RBKS: variants seen among roughly 807,000 people sequenced by gnomAD.
The protein encoded by RBKS is ribokinase.
RBKS carries 33 observed loss-of-function variants against 33.9 expected under a neutral mutation model. That is an observed-to-expected ratio of 0.97 (90% confidence interval 0.74 to 1.30). The LOEUF is 1.30. Ranked by LOEUF, RBKS falls within the 50% of genes most tolerant of loss-of-function variation. The probability of loss-of-function intolerance (pLI) is 0.00; values close to 1 mark genes in which losing one functional copy is unlikely to be tolerated. For missense variants in RBKS, 361 were observed against 392.6 expected (o/e 0.92, Z 0.68); for synonymous variants, 125 against 143.0 (o/e 0.87, Z 0.90).
intron 2 of RBKS, among the ~76,000 whole-genome samples, chr2:27,856,394 C>T (rs1663856400): frequency 6.6e-6 from 1 of 152,160 alleles, no homozygotes; most frequent in South Asian, 2.1e-4. Context: ...AATCAACCTC[C>T]TAACTGGAAC....
intron 2 of RBKS, among the ~76,000 whole-genome samples, chr2:27,853,028 G>C (rs1216384933): frequency 6.6e-6 from 1 of 152,060 alleles, no homozygotes; most frequent in Admixed American, 6.5e-5. Flanking sequence ...AGTTATTAAA[G>C]CTTGCTGGTT....
At chr2:27,848,755 T>C (rs1220025638) in intron 2 of RBKS, among the ~76,000 whole-genome samples, 1 of 151,748 alleles carries the variant, frequency 6.6e-6, no homozygotes, top group Non-Finnish European at 1.5e-5. Context: ...AGCAGGAGAA[T>C]TGCTTGAACC....
At chr2:27,861,344 T>C in intron 1 of RBKS, 1 of 402,948 alleles carries the variant, frequency 2.5e-6, no homozygotes, top group Non-Finnish European at 5.2e-6. Flanking sequence ...AGGTGTTGAT[T>C]AGGGAAGCAG....
intron 1 of RBKS, among the ~76,000 whole-genome samples, chr2:27,883,187 T>C (rs1486860614): frequency 6.6e-6 from 1 of 151,230 alleles, no homozygotes; most frequent in East Asian, 1.9e-4. Context: ...CATGTTTTCC[T>C]AACTGCAGTA....
intron 1 of RBKS, among the ~76,000 whole-genome samples, chr2:27,880,884 A>G (rs562263082): frequency 7.9e-5 from 12 of 152,278 alleles, no homozygotes; most frequent in African/African-American, 2.9e-4. Context: ...TTAAGCTACC[A>G]TGACATTCAT....
intron 7 of RBKS, among the ~76,000 whole-genome samples, chr2:27,798,740 C>T (rs1677711702): frequency 6.6e-6 from 1 of 152,186 alleles, no homozygotes; most frequent in African/African-American, 2.4e-5. Flanking sequence ...CTTACTTCCT[C>T]CTATTCACTT....
At chr2:27,820,525 A>T in intron 7 of RBKS, among the ~76,000 whole-genome samples, 1 of 151,576 alleles carries the variant, frequency 6.6e-6, no homozygotes, top group Non-Finnish European at 1.5e-5. Context: ...TTTGTAGGAT[A>T]GACTCTTAGA....
chr2:27,884,884 TATTAAAA>T (rs748523646), intron 1 of RBKS, among the ~76,000 whole-genome samples: 71 of 152,332 alleles, frequency 4.7e-4, no homozygotes, highest in Admixed American at 1.6e-3. Flanking sequence ...AAGTCAATTT[TATTAAAA>T]ATTTATCCTT....
chr2:27,834,032 C>T (rs1678471086), intron 5 of RBKS, among the ~76,000 whole-genome samples: 1 of 152,196 alleles, frequency 6.6e-6, no homozygotes, highest in Non-Finnish European at 1.5e-5. Context: ...TAGGACTGAC[C>T]TCAAACCCAC....
At chr2:27,853,649 T>G (rs1201149585) in intron 2 of RBKS, among the ~76,000 whole-genome samples, 1 of 152,010 alleles carries the variant, frequency 6.6e-6, no homozygotes. Flanking sequence ...CAGAGTGAGA[T>G]CCTGTCTCAG....
At chr2:27,863,350 T>C (rs1025880543) in intron 1 of RBKS, among the ~76,000 whole-genome samples, 4 of 152,232 alleles carry the variant, frequency 2.6e-5, no homozygotes, top group Admixed American at 6.5e-5. Context: ...CACTTACTGA[T>C]TGTATTACTT....
At chr2:27,805,523 G>T (rs1252374425) in intron 7 of RBKS, among the ~76,000 whole-genome samples, 1 of 152,154 alleles carries the variant, frequency 6.6e-6, no homozygotes, top group Non-Finnish European at 1.5e-5. Flanking sequence ...GCTTTCCCGG[G>T]TCCTTGTAGG....
At chr2:27,860,143 G>A (rs1663944523) in intron 1 of RBKS, among the ~76,000 whole-genome samples, 2 of 151,492 alleles carry the variant, frequency 1.3e-5, no homozygotes, top group Non-Finnish European at 2.9e-5. Context: ...TAGTACTGAT[G>A]AAAAAAAATA....
intron 3 of RBKS, among the ~76,000 whole-genome samples, chr2:27,847,686 C>T (rs775642326): frequency 7.2e-5 from 11 of 152,234 alleles, no homozygotes; most frequent in Non-Finnish European, 1.5e-4. Context: ...CTTCGGTTTT[C>T]TCTTCTGTGA....
rs774563771 is a variant in RBKS at position 27,827,657 on chromosome 2, G to A, written c.705C>T (p.Thr235=). The change falls in exon 7 of 8, where the codon ACC becomes ACT. Residue 235 remains threonine (T), a synonymous_variant. Coordinates refer to ENST00000302188, the MANE Select transcript of RBKS (RefSeq NM_022128.3). ...LKRGCQVVII[T]LGAEGCVVLS... The stretch of plus-strand genomic sequence containing the variant: ...GCACCACACATCCTTCAGCCCCTAA[G>A]GTAATGATTACCACCTGGCAGCCCC... 52 of 1,613,650 alleles carry A rather than the reference G, an allele frequency of 3.2e-5. No individual in the cohort carries two copies. The highest frequency in any genetic ancestry group is 4.3e-5 in the Non-Finnish European group (51 of 1,179,928).
chr2:27,846,838 C>T (rs1029991668), intron 4 of RBKS, among the ~76,000 whole-genome samples: 3 of 151,886 alleles, frequency 2.0e-5, no homozygotes, highest in Admixed American at 2.0e-4. Context: ...GAAAATTGTC[C>T]AAAAATTTAT....
intron 7 of RBKS, among the ~76,000 whole-genome samples, chr2:27,789,947 G>GTGTATATATATATATATATATA (rs1677484248): frequency 2.1e-5 from 2 of 95,170 alleles, no homozygotes; most frequent in South Asian, 3.5e-4. Context: ...ATATGTATAT[G>GTGTATATATATATATATATATA]TGTATATATA....
chr2:27,798,399 T>C (rs1273989457), intron 7 of RBKS, among the ~76,000 whole-genome samples: 3 of 152,168 alleles, frequency 2.0e-5, no homozygotes, highest in South Asian at 2.1e-4. Flanking sequence ...CCTCTTCTTA[T>C]CTTTTCAGCT....
chr2:27,843,999 C>A (rs1663566584), intron 4 of RBKS, among the ~76,000 whole-genome samples: 1 of 151,730 alleles, frequency 6.6e-6, no homozygotes, highest in Non-Finnish European at 1.5e-5. Context: ...GTGGCTCATA[C>A]CTATAATTTC....
Sources: allele counts gnomAD v4.1 joint callset (sites outside exome capture counted in the v4.1 genomes callset), GRCh38; gene constraint gnomAD v4.1.1; transcripts MANE v1.5; gene names NCBI Gene and HGNC (gene_info 2026-07-23, HGNC 2026-07-21).